Variants in DAGLA observed in about 807,000 individuals in gnomAD.
DAGLA encodes the protein diacylglycerol lipase-alpha.
Under a neutral mutation model 102.6 loss-of-function variants are expected in DAGLA, and 22 were observed. The ratio of observed to expected loss-of-function variants is 0.21; its 90% CI spans 0.15 to 0.31. DAGLA has a LOEUF of 0.31. Among genes scored for constraint, DAGLA ranks in the 10% least tolerant of loss-of-function variants. The pLI, the probability that DAGLA is intolerant of heterozygous loss-of-function variation, is 1.00. For missense variants in DAGLA, 927 were observed against 1,446.6 expected, an observed-to-expected ratio of 0.64 and a Z score of 5.83; for synonymous variants, 578 against 628.9, an observed-to-expected ratio of 0.92 and a Z score of 1.21.
At chr11:61,709,648 G>C (rs997921911) in intron 1 of DAGLA, among the ~76,000 whole-genome samples, 1 of 152,090 alleles carries the variant, frequency 6.6e-6, no homozygotes, top group Non-Finnish European at 1.5e-5. Context: ...CAGAGGGAGG[G>C]GACGGGGCTG....
chr11:61,692,881 T>TA (rs11344286), intron 1 of DAGLA, among the ~76,000 whole-genome samples: 66 of 147,674 alleles, frequency 4.5e-4, no homozygotes, highest in African/African-American at 1.3e-3. Context: ...TTTAGTTCAG[T>TA]AAAAAAAAAA....
At chr11:61,728,358 C>T (rs2065347665) in intron 7 of DAGLA, 71 bp downstream of exon 7, 1 of 1,573,314 alleles carries the variant, frequency 6.4e-7, no homozygotes, top group Admixed American at 1.7e-5. Context: ...TTCCCTGTGG[C>T]CCCTGCAGCG....
chr11:61,735,248 C>T (rs145786801), intron 10 of DAGLA, among the ~76,000 whole-genome samples: 7 of 152,296 alleles, frequency 4.6e-5, no homozygotes, highest in South Asian at 2.1e-4. Flanking sequence ...TTTGGGTTGC[C>T]GAGCCCTAGC....
At chr11:61,695,480 G>A (rs1183610679) in intron 1 of DAGLA, among the ~76,000 whole-genome samples, 5 of 152,160 alleles carry the variant, frequency 3.3e-5, no homozygotes, top group Middle Eastern at 3.2e-3. Flanking sequence ...ACTTCCCAGC[G>A]GGGAGGAGCA....
chr11:61,715,333 G>T (rs2065227963), intron 1 of DAGLA, among the ~76,000 whole-genome samples: 1 of 152,218 alleles, frequency 6.6e-6, no homozygotes. Flanking sequence ...CCCATCCCCA[G>T]GCCAATGACC....
chr11:61,729,875 C>A (rs1296515037), intron 8 of DAGLA, among the ~76,000 whole-genome samples: 1 of 151,694 alleles, frequency 6.6e-6, no homozygotes, highest in Non-Finnish European at 1.5e-5. Flanking sequence ...GAGTTTGAGA[C>A]CAGCCTGGGC....
chr11:61,730,791 G>T (rs964657408), intron 8 of DAGLA, among the ~76,000 whole-genome samples: 1 of 152,226 alleles, frequency 6.6e-6, no homozygotes, highest in Non-Finnish European at 1.5e-5. Flanking sequence ...CAAGTTGAAG[G>T]CTCCCAATAT....
chr11:61,698,152 G>A (rs2065081066), intron 1 of DAGLA, among the ~76,000 whole-genome samples: 1 of 152,202 alleles, frequency 6.6e-6, no homozygotes, highest in Non-Finnish European at 1.5e-5. Context: ...CTCTTGTCCT[G>A]GGCTGGCATC....
chr11:61,719,253 G>A (rs1418659843), intron 1 of DAGLA, among the ~76,000 whole-genome samples: 1 of 152,224 alleles, frequency 6.6e-6, no homozygotes, highest in Non-Finnish European at 1.5e-5. Context: ...AGCTACTTCA[G>A]AGAGTTGAAA....
At position 61,725,571 on chromosome 11, in the gene DAGLA, C is replaced by T. The variant is rs577014511; in HGVS notation, c.549-424C>T. Among the ~76,000 whole-genome samples the T allele has an allele frequency of 3.9e-5, 6 of 152,334 alleles. No homozygotes were observed. In the East Asian group the frequency reaches 1.2e-3, roughly 29 times the overall value. On this transcript the variant is annotated intron_variant, in intron 5 of 19. Coordinates refer to ENST00000257215, the MANE Select transcript of DAGLA (RefSeq NM_006133.3). ...TGTTCCAGGCCTTAGAATGAGACGA[C>T]AGGGAGGCCCAACACCCTGCTGACC... is the stretch of plus-strand genomic sequence containing the variant.
chr11:61,722,646 G>A (rs569564631), intron 3 of DAGLA, among the ~76,000 whole-genome samples: 4 of 152,148 alleles, frequency 2.6e-5, no homozygotes, highest in South Asian at 2.1e-4. Flanking sequence ...CATTGCAAGC[G>A]GTCATTCAGG....
rs755511460 is a variant in DAGLA at position 61,744,221 on chromosome 11, G to C, written c.2861G>C (p.Ser954Thr). ...SDYAEGPKSPSQQEILLRAQF... is the reference protein window; with the variant it reads ...SDYAEGPKSPTQQEILLRAQF... ...TACGCTGAGGGCCCCAAGTCCCCCA[G>C]CCAGCAAGAGATCCTGCTCCGTGCC... Residue 954 changes from serine to threonine, a missense_variant, in exon 20 of 20, where the codon AGC becomes ACC. Physicochemically the swap from Ser to Thr is moderately conservative, Grantham distance 58 (BLOSUM62 1). Coordinates refer to ENST00000257215, the MANE Select transcript of DAGLA (RefSeq NM_006133.3). 2.6e-5 allele frequency: 42 copies of C among 1,612,930 alleles called. No homozygotes were observed. In the Admixed American group the frequency reaches 3.3e-4, roughly 13 times the overall value.
intron 1 of DAGLA, among the ~76,000 whole-genome samples, chr11:61,681,596 G>C (rs1177273297): frequency 2.0e-5 from 3 of 152,134 alleles, no homozygotes; most frequent in Non-Finnish European, 2.9e-5. Context: ...GTATCTGGGA[G>C]TTGCCTCTCT....
intron 1 of DAGLA, among the ~76,000 whole-genome samples, chr11:61,695,314 G>A (rs1255431257): frequency 6.6e-6 from 1 of 152,218 alleles, no homozygotes; most frequent in Non-Finnish European, 1.5e-5. Flanking sequence ...GCTGAGCAGT[G>A]GTCCAGGCAT....
intron 1 of DAGLA, among the ~76,000 whole-genome samples, chr11:61,718,872 G>T (rs2065259003): frequency 6.6e-6 from 1 of 152,194 alleles, no homozygotes; most frequent in South Asian, 2.1e-4. Flanking sequence ...CCCACCCTGG[G>T]GGCTATGCCC....
chr11:61,691,053 A>G (rs2065020685), intron 1 of DAGLA, among the ~76,000 whole-genome samples: 1 of 133,828 alleles, frequency 7.5e-6, no homozygotes, highest in Non-Finnish European at 1.7e-5. Flanking sequence ...TGCCTGCTAC[A>G]CCATGCAGTT....
At chr11:61,688,232 G>A (rs1408937947) in intron 1 of DAGLA, among the ~76,000 whole-genome samples, 4 of 151,298 alleles carry the variant, frequency 2.6e-5, no homozygotes, top group African/African-American at 9.7e-5. Context: ...GGAGAATGGC[G>A]TGAATCCGGG....
Position 61,686,150 on chromosome 11 carries a change from AC to A in DAGLA, c.-45+5647del, listed in dbSNP as rs1286375217. 6.6e-6 allele frequency among the ~76,000 whole-genome samples: 1 copy of A among 151,968 alleles called. No individual in the cohort carries two copies. Among genetic ancestry groups the A allele is most frequent in the Non-Finnish European group, 1.5e-5 (1 of 67,976 alleles). On this transcript the variant is annotated intron_variant, in intron 1 of 19. Transcript: ENST00000257215. This position sits in a 1 kb window ranked among gnomAD's most constrained non-coding sequence, Gnocchi z 5.2. The stretch of plus-strand genomic sequence containing the variant: ...CCACTCTGCAGGGGAAAGGGGAGAG[AC>A]AAAGCCTGGTTGATTATGGAAGGGA...
In DAGLA at chr11:61,686,179, CAG is replaced by C. The variant is rs994020174; in HGVS notation, c.-45+5677_-45+5678del. 9.2e-5 allele frequency among the ~76,000 whole-genome samples: 14 copies of C among 151,680 alleles called. No individual in the cohort carries two copies. Among genetic ancestry groups the C allele is most frequent in the Non-Finnish European group, 1.5e-4 (10 of 67,962 alleles). On this transcript the variant is annotated intron_variant, in intron 1 of 19. Transcript: ENST00000257215. The surrounding 1 kb of genome is among the most constrained non-coding windows in gnomAD (Gnocchi z 5.2). ...AGCCTGGTTGATTATGGAAGGGAGA[CAG>C]AAATCATGAGATTGGTCAGTGTGGT... is the stretch of plus-strand genomic sequence containing the variant.
Sources: gnomAD v4.1 joint callset for allele counts (sites outside exome capture counted in the v4.1 genomes callset) on GRCh38, gnomAD v4.1.1 for gene constraint, Gnocchi (gnomAD v3.1) non-coding constraint, MANE v1.5 for transcripts, NCBI Gene and HGNC (gene_info 2026-07-23, HGNC 2026-07-21) for gene names.